NAV2: variants seen among roughly 807,000 people sequenced by gnomAD.
NAV2 encodes the protein neuron navigator 2, also known as helicase, APC down-regulated 1.
NAV2 carries 54 observed loss-of-function variants against 223.2 expected under a neutral mutation model. The observed-to-expected ratio is 0.24, with a 90% CI of 0.19 to 0.30. The LOEUF is 0.30. Ranked by LOEUF, NAV2 falls within the 10% of genes least tolerant of loss-of-function variation. NAV2 has a pLI of 1.00. For synonymous variants in NAV2, 1,279 were observed against 1,239.3 expected (o/e 1.03, Z -0.67); for missense variants, 2,806 against 3,147.5 (o/e 0.89, Z 2.60).
intron 1 of NAV2, among the ~76,000 whole-genome samples, chr11:19,727,473 C>T (rs544866942): frequency 9.8e-4 from 150 of 152,312 alleles, no homozygotes; most frequent in Non-Finnish European, 1.9e-3. Flanking sequence ...AGGATGCTTC[C>T]CAGGGCACCA....
chr11:19,383,672 C>G lies in NAV2; in HGVS notation c.75+32645C>G, dbSNP rs149657699. Among the ~76,000 whole-genome samples, 1,204 of 152,294 alleles carry G rather than the reference C, an allele frequency of 7.9e-3. 15 individuals carry two copies. Among genetic ancestry groups the G allele is most frequent in the Non-Finnish European group, 0.012 (814 of 68,022 alleles). ...CTGTGTGCCTCAATCTCTCTGAACT[C>G]CATGGGCCTCCTACGTGAAATCAAG... On this transcript the variant is annotated intron_variant, in intron 1 of 37. Coordinates refer to the NAV2 transcript ENST00000360655.
chr11:19,608,184 G>C (rs1013185640), intron 1 of NAV2, among the ~76,000 whole-genome samples: 3 of 152,234 alleles, frequency 2.0e-5, no homozygotes, highest in Non-Finnish European at 2.9e-5. Flanking sequence ...GGACTGTTCA[G>C]AGCTCTGTTG....
chr11:19,879,854 T>C lies in NAV2; in HGVS notation c.512-15T>C. The C allele has an allele frequency of 1.2e-6, 2 of 1,613,960 alleles. No homozygotes were observed. The highest frequency in any genetic ancestry group is 8.5e-7 in the Non-Finnish European group (1 of 1,180,004). ...GAGCTCCCCATCTGACAAGAGTCTC[T>C]TTATTGTCTTGCAGAGATCAGGAAT... is the stretch of plus-strand genomic sequence containing the variant. On this transcript the variant is annotated splice_polypyrimidine_tract_variant and intron_variant, in intron 4 of 37. Coordinates refer to ENST00000349880, the MANE Select transcript of NAV2 (RefSeq NM_145117.5).
At chr11:19,629,325 A>G (rs1053010114) in intron 1 of NAV2, among the ~76,000 whole-genome samples, 2 of 152,064 alleles carry the variant, frequency 1.3e-5, no homozygotes, top group Non-Finnish European at 2.9e-5. Context: ...TGGCTCAGGG[A>G]CCAAAGGGGC....
intron 1 of NAV2, among the ~76,000 whole-genome samples, chr11:19,382,921 C>T (rs144846754): frequency 6.6e-6 from 1 of 152,286 alleles, no homozygotes; most frequent in Non-Finnish European, 1.5e-5. Flanking sequence ...ATATAGACAG[C>T]ACTCAATAAC....
At position 19,467,408 on chromosome 11, in the gene NAV2, A is replaced by C. The variant is rs375461188; in HGVS notation, c.75+116381A>C. 1.4e-4 allele frequency among the ~76,000 whole-genome samples: 21 copies of C among 152,342 alleles called. No homozygotes were observed. In the East Asian group the frequency reaches 3.9e-3, roughly 28 times the overall value. On this transcript the variant is annotated intron_variant, in intron 1 of 37. Coordinates refer to the NAV2 transcript ENST00000360655. Reference sequence around the variant, plus strand: ...TGGTAATTTCTGATTATTTCCATAGAGAAGATTTTTAGAAGTAAGTTAAAA... The same window carrying C: ...TGGTAATTTCTGATTATTTCCATAGCGAAGATTTTTAGAAGTAAGTTAAAA...
At chr11:19,375,814 C>A (rs1230935590) in intron 1 of NAV2, among the ~76,000 whole-genome samples, 2 of 152,110 alleles carry the variant, frequency 1.3e-5, no homozygotes, top group African/African-American at 4.8e-5. Context: ...TATTTTTTAT[C>A]TTCTGGTGGC....
intron 1 of NAV2, among the ~76,000 whole-genome samples, chr11:19,639,881 G>C (rs2047613560): frequency 6.6e-6 from 1 of 152,180 alleles, no homozygotes; most frequent in African/African-American, 2.4e-5. Context: ...CTGGTAGCAG[G>C]GTGTAAACAT....
chr11:20,076,823 A>C (rs2059786672), intron 22 of NAV2, among the ~76,000 whole-genome samples: 1 of 152,208 alleles, frequency 6.6e-6, no homozygotes, highest in South Asian at 2.1e-4. Context: ...GGAAGCATTT[A>C]AAAAATTCTT....
At chr11:19,594,403 A>G (rs996747793) in intron 1 of NAV2, among the ~76,000 whole-genome samples, 1 of 150,030 alleles carries the variant, frequency 6.7e-6, no homozygotes, top group African/African-American at 2.4e-5. Context: ...GTTTGATGGT[A>G]GCTGGCTGGT....
intron 1 of NAV2, among the ~76,000 whole-genome samples, chr11:19,696,919 A>G (rs2049359834): frequency 6.6e-6 from 1 of 152,196 alleles, no homozygotes; most frequent in African/African-American, 2.4e-5. Context: ...TCCTCACAAT[A>G]ATCCTACAAT....
At chr11:20,097,095 C>A (rs1054613962) in intron 30 of NAV2, among the ~76,000 whole-genome samples, 1 of 152,210 alleles carries the variant, frequency 6.6e-6, no homozygotes, top group African/African-American at 2.4e-5. Context: ...ATTAAACACA[C>A]GTTTTCCTTC....
At chr11:19,834,344 T>G (rs1041199633) in intron 2 of NAV2, among the ~76,000 whole-genome samples, 1 of 152,214 alleles carries the variant, frequency 6.6e-6, no homozygotes, top group Non-Finnish European at 1.5e-5. Flanking sequence ...TCCATGGGAA[T>G]TCTAACCCAG....
intron 1 of NAV2, among the ~76,000 whole-genome samples, chr11:19,830,215 ACT>A (rs2059858204): frequency 1.3e-5 from 2 of 152,118 alleles, no homozygotes; most frequent in African/African-American, 4.8e-5. Flanking sequence ...ACAGAACGAG[ACT>A]CTGTCTTGGG....
At chr11:19,347,427 A>AC (rs1248394853), upstream of NAV2, among the ~76,000 whole-genome samples, 1 of 151,398 alleles carries the variant, frequency 6.6e-6, no homozygotes, top group South Asian at 2.1e-4. Context: ...CCAACCTCCC[A>AC]CCCCCGGGGT....
chr11:19,467,010 CACACACACAG>C (rs1391678290), intron 1 of NAV2, among the ~76,000 whole-genome samples: 19 of 136,000 alleles, frequency 1.4e-4, no homozygotes, highest in South Asian at 5.3e-4. Context: ...CACACACACA[CACACACACAG>C]AGAGAGAGAG....
intron 6 of NAV2, among the ~76,000 whole-genome samples, chr11:19,932,040 G>A (rs1475977423): frequency 6.6e-6 from 1 of 152,028 alleles, no homozygotes; most frequent in Admixed American, 6.6e-5. Flanking sequence ...GGCCACCTTG[G>A]TGACTAGCTG....
intron 1 of NAV2, among the ~76,000 whole-genome samples, chr11:19,463,974 T>C (rs1287544095): frequency 6.6e-6 from 1 of 152,204 alleles, no homozygotes; most frequent in African/African-American, 2.4e-5. Context: ...GTTGAACTGA[T>C]ACAGATTAAC....
intron 1 of NAV2, among the ~76,000 whole-genome samples, chr11:19,676,191 C>T (rs914519648): frequency 6.6e-6 from 1 of 152,158 alleles, no homozygotes; most frequent in African/African-American, 2.4e-5. Context: ...TCCAGTCTGG[C>T]CTCATAATAA....
Sources: gnomAD v4.1 joint callset for allele counts (sites outside exome capture counted in the v4.1 genomes callset) on GRCh38, gnomAD v4.1.1 for gene constraint, MANE v1.5 for transcripts, NCBI Gene and HGNC (gene_info 2026-07-23, HGNC 2026-07-21) for gene names.